DOCK5: variants seen among roughly 807,000 people sequenced by gnomAD.
DOCK5 encodes the protein dedicator of cytokinesis 5, also known as dedicator of cytokinesis protein 5.
In DOCK5, 142 loss-of-function variants were observed where a neutral mutation model predicts 251.8. The ratio of observed to expected loss-of-function variants is 0.56; its 90% CI spans 0.49 to 0.65. DOCK5 has a LOEUF of 0.65. Among genes scored for constraint, DOCK5 ranks in the 30% least tolerant of loss-of-function variants. The pLI, the probability that DOCK5 is intolerant of heterozygous loss-of-function variation, is 0.00. For synonymous variants in DOCK5, 842 were observed against 835.5 expected, an observed-to-expected ratio of 1.01 and a Z score of -0.13; for missense variants, 2,111 against 2,312.3, an observed-to-expected ratio of 0.91 and a Z score of 1.79.
In DOCK5 at chr8:25,372,634, C is replaced by T; in HGVS notation, c.3600C>T (p.Leu1200=). The T allele has an allele frequency of 6.2e-7, 1 of 1,609,742 alleles. No homozygotes were observed. Among genetic ancestry groups the T allele is most frequent in the Non-Finnish European group, 8.5e-7 (1 of 1,178,218 alleles). ...TCTTCGCCCTCCTGGTCAGCAGCCT[C>T]TTAGAGAACCTGCTGGACTATAGAA... is the stretch of plus-strand genomic sequence containing the variant. ...GEVFALLVSS[L]LENLLDYRTI... Residue 1200 remains leucine (L), a synonymous_variant, in exon 35 of 52, where the codon CTC becomes CTT. Coordinates refer to ENST00000276440, the MANE Select transcript of DOCK5 (RefSeq NM_024940.8).
chr8:25,271,433 T>G (rs1257931135), intron 3 of DOCK5, among the ~76,000 whole-genome samples: 1 of 152,234 alleles, frequency 6.6e-6, no homozygotes, highest in Non-Finnish European at 1.5e-5. Context: ...GCTCTGCTTT[T>G]GACACCCCGT....
intron 7 of DOCK5, 129 bp from the exon 8 acceptor site, chr8:25,298,815 T>C (rs1010564026): frequency 1.3e-5 from 13 of 1,030,738 alleles, no homozygotes; most frequent in Non-Finnish European, 1.8e-5. Context: ...GCACTGGGAT[T>C]ACAGGAATGA....
At chr8:25,361,625 A>T (rs1011432378) in intron 28 of DOCK5, among the ~76,000 whole-genome samples, 1 of 152,154 alleles carries the variant, frequency 6.6e-6, no homozygotes, top group African/African-American at 2.4e-5. Flanking sequence ...AAATAAATAA[A>T]TAAATAAGTA....
chr8:25,362,800 A>G (rs1230489141), intron 28 of DOCK5, among the ~76,000 whole-genome samples: 1 of 152,066 alleles, frequency 6.6e-6, no homozygotes, highest in Non-Finnish European at 1.5e-5. Context: ...CAGTTGTACC[A>G]TTTGTAAAAT....
chr8:25,336,025 T>G (rs1373508642), intron 21 of DOCK5, among the ~76,000 whole-genome samples: 1 of 152,216 alleles, frequency 6.6e-6, no homozygotes, highest in East Asian at 1.9e-4. Context: ...CCTTTTCTAG[T>G]ATTTCTCAGC....
intron 22 of DOCK5, among the ~76,000 whole-genome samples, chr8:25,337,987 G>A (rs1586341389): frequency 1.3e-5 from 2 of 152,192 alleles, no homozygotes; most frequent in East Asian, 3.9e-4. Flanking sequence ...AAAGAAGACT[G>A]GATAGATCAC....
At chr8:25,234,538 G>C (rs894639954) in intron 1 of DOCK5, among the ~76,000 whole-genome samples, 1 of 152,134 alleles carries the variant, frequency 6.6e-6, no homozygotes, top group Non-Finnish European at 1.5e-5. Flanking sequence ...TAATAAGGAA[G>C]ATATTCATTG....
intron 1 of DOCK5, among the ~76,000 whole-genome samples, chr8:25,226,505 C>G (rs1324708685): frequency 6.6e-6 from 1 of 151,910 alleles, no homozygotes; most frequent in East Asian, 1.9e-4. Flanking sequence ...CTCAGGTGAT[C>G]TGCCCGTCTA....
intron 37 of DOCK5, chr8:25,375,957 G>A (rs376585890): frequency 5.0e-5 from 36 of 726,968 alleles, no homozygotes; most frequent in Middle Eastern, 7.0e-4. Flanking sequence ...AAATTAGCAG[G>A]CGTGGTGGCA....
In DOCK5 at chr8:25,216,984, T is replaced by C. The variant is rs1485502468; in HGVS notation, c.44-26690T>C. Among the ~76,000 whole-genome samples, 3 of 93,806 alleles carry C rather than the reference T, an allele frequency of 3.2e-5. No individual in the cohort carries two copies. In the Admixed American group the frequency reaches 4.1e-4, roughly 13 times the overall value. 61.5% of individuals were successfully genotyped at this position (93,806 alleles called of 152,430 possible). On this transcript the variant is annotated intron_variant, in intron 1 of 51. Coordinates refer to ENST00000276440, the MANE Select transcript of DOCK5 (RefSeq NM_024940.8). Reference sequence around the variant, plus strand: ...AGATGTATACAATATGTGTATACAATATGTATAGATGTATACAATATGTGT... The same window carrying C: ...AGATGTATACAATATGTGTATACAACATGTATAGATGTATACAATATGTGT...
chr8:25,358,976 C>G lies in DOCK5; in HGVS notation c.2864C>G (p.Ala955Gly). The G allele has an allele frequency of 1.2e-6, 2 of 1,613,922 alleles. No homozygotes were observed. The change falls in exon 28 of 52, where the codon GCT becomes GGT. Residue 955 changes from alanine to glycine, a missense_variant. By Grantham distance (60) the Ala-to-Gly change is moderately conservative (BLOSUM62 0). Transcript: ENST00000276440. The part of the protein sequence containing the change: ...RQSPHIGSFV[A>G]CMIALLQQMD... ...TTTTCCTTCCAGGGGAGTTTTGTGG[C>G]TTGCATGATTGCCCTGCTGCAGCAA...
intron 1 of DOCK5, among the ~76,000 whole-genome samples, chr8:25,189,438 G>A (rs1340704849): frequency 1.3e-5 from 2 of 152,012 alleles, no homozygotes; most frequent in African/African-American, 2.4e-5. Context: ...ATGGCTCACT[G>A]CTGCCTCAAC....
At chr8:25,327,099 A>G (rs1563203062) in intron 18 of DOCK5, among the ~76,000 whole-genome samples, 3 of 152,300 alleles carry the variant, frequency 2.0e-5, no homozygotes, top group African/African-American at 2.4e-5. Flanking sequence ...TGTCTTTCAA[A>G]TGGGAGCAAT....
intron 10 of DOCK5, among the ~76,000 whole-genome samples, chr8:25,303,382 G>C (rs182036961): frequency 2.6e-4 from 40 of 152,164 alleles, no homozygotes; most frequent in African/African-American, 9.7e-4. Context: ...ATACTCGCTG[G>C]GAAGTGGTTT....
At chr8:25,382,585 T>C (rs1043607896) in intron 39 of DOCK5, 89 bp from the exon 40 acceptor site, 8 of 1,049,376 alleles carry the variant, frequency 7.6e-6, no homozygotes, top group Non-Finnish European at 1.1e-5. Context: ...CTGGGTTACG[T>C]GGGAAACAAC....
chr8:25,341,348 A>G (rs1805950381), intron 23 of DOCK5, among the ~76,000 whole-genome samples: 1 of 152,108 alleles, frequency 6.6e-6, no homozygotes. Context: ...CACCATCTTT[A>G]TTATCATAAT....
At chr8:25,229,563 T>C (rs1162960755) in intron 1 of DOCK5, among the ~76,000 whole-genome samples, 3 of 152,174 alleles carry the variant, frequency 2.0e-5, no homozygotes, top group African/African-American at 4.8e-5. Context: ...TTACCTTTCT[T>C]CAGACTGGAA....
intron 13 of DOCK5, among the ~76,000 whole-genome samples, chr8:25,312,886 T>C (rs1261861743): frequency 6.6e-6 from 1 of 151,940 alleles, no homozygotes; most frequent in Admixed American, 6.6e-5. Flanking sequence ...GGTGAGATCA[T>C]GCCGCTGCAC....
At chr8:25,224,741 A>G (rs1416063824) in intron 1 of DOCK5, among the ~76,000 whole-genome samples, 1 of 152,176 alleles carries the variant, frequency 6.6e-6, no homozygotes, top group Non-Finnish European at 1.5e-5. Context: ...CAGAAAGGCA[A>G]CCCCCATGTG....
Sources: gnomAD v4.1 joint callset for allele counts (sites outside exome capture counted in the v4.1 genomes callset) on GRCh38, gnomAD v4.1.1 for gene constraint, MANE v1.5 for transcripts, NCBI Gene and HGNC (gene_info 2026-07-23, HGNC 2026-07-21) for gene names.